The following CELF6 variants were observed in gnomAD, a reference collection of about 807,000 sequenced individuals.
The protein encoded by CELF6 is Bruno -like 6, RNA binding protein.
Under a neutral mutation model 53.1 loss-of-function variants are expected in CELF6, and 32 were observed. That is an observed-to-expected ratio of 0.60 (90% CI 0.46 to 0.81). The LOEUF is 0.81. Among genes scored for constraint, CELF6 ranks in the 30% least tolerant of loss-of-function variants. The pLI, the probability that CELF6 is intolerant of heterozygous loss-of-function variation, is 0.00. For missense variants in CELF6, 539 were observed against 669.5 expected (o/e 0.81, Z 2.15); for synonymous variants, 291 against 288.8 (o/e 1.01, Z -0.08).
chr15:72,300,143 C>T (rs1424599443), intron 3 of CELF6, among the ~76,000 whole-genome samples: 1 of 151,986 alleles, frequency 6.6e-6, no homozygotes, highest in African/African-American at 2.4e-5. Flanking sequence ...TCATTTGAAG[C>T]CAAGAGTTTG....
At chr15:72,295,879 T>G (rs2088071486) in intron 3 of CELF6, among the ~76,000 whole-genome samples, 1 of 152,210 alleles carries the variant, frequency 6.6e-6, no homozygotes. Flanking sequence ...TGGCATTTTT[T>G]GCAGAAATAG....
chr15:72,319,828 G>A lies in CELF6; in HGVS notation c.47C>T (p.Pro16Leu), dbSNP rs1382138434. 4 of 1,548,752 alleles carry A rather than the reference G, an allele frequency of 2.6e-6. No individual in the cohort carries two copies. The highest frequency in any genetic ancestry group is 2.6e-6 in the Non-Finnish European group (3 of 1,145,664). ...GTCCGCGGTGCTGAAACCCAGGCGC[G>A]GGCCGGGGCCAGCGGGCTGCGCTGA... Reference protein sequence around the residue: ...GGSAQPAGPGPRLGFSTADSG... With the variant: ...GGSAQPAGPGLRLGFSTADSG... The change falls in exon 1 of 13, where the codon CCG becomes CTG. Residue 16 changes from proline to leucine, a missense_variant. By Grantham distance (98) the Pro-to-Leu change is moderately conservative. Around this residue, in one of 3 missense-constraint regions of CELF6, gnomAD observed 84 missense variants for 87.9 expected, o/e 0.96. Coordinates refer to ENST00000287202, the MANE Select transcript of CELF6 (RefSeq NM_052840.5). This position sits in a 1 kb window ranked among gnomAD's most constrained non-coding sequence, Gnocchi z 5.0.
Position 72,289,956 on chromosome 15 carries a change from C to G in CELF6, c.586G>C (p.Gly196Arg). 1.3e-6 allele frequency: 2 copies of G among 1,575,280 alleles called. No homozygotes were observed. The highest frequency in any genetic ancestry group is 2.3e-5 in the South Asian group (2 of 86,320). Reference sequence around the variant, plus strand: ...GCCCTCACCGCCATGGTCCGGCTGCCGTGCAGACCCCGGATGGCCGCCTGA... The same window carrying G: ...GCCCTCACCGCCATGGTCCGGCTGCGGTGCAGACCCCGGATGGCCGCCTGA... Reference protein sequence around the residue: ...EAQAAIRGLHGSRTMAGASSS... With the variant: ...EAQAAIRGLHRSRTMAGASSS... Residue 196 changes from glycine (G) to arginine (R), a missense_variant, in exon 5 of 13, where the codon GGC becomes CGC. By Grantham distance (125) the Gly-to-Arg change is moderately radical (BLOSUM62 -2). Transcript: ENST00000287202. The surrounding 1 kb of genome is among the most constrained non-coding windows in gnomAD (Gnocchi z 7.6).
At chr15:72,296,800 C>T (rs2141191570) in intron 3 of CELF6, among the ~76,000 whole-genome samples, 1 of 152,326 alleles carries the variant, frequency 6.6e-6, no homozygotes, top group South Asian at 2.1e-4. Context: ...CAGAAAATCA[C>T]AGCGTTGGCG....
chr15:72,306,044 T>A, intron 2 of CELF6: 1 of 981,182 alleles, frequency 1.0e-6, no homozygotes, highest in Non-Finnish European at 1.2e-6. Context: ...GGGTATTGCA[T>A]AATTTGAAAA....
At chr15:72,301,531 A>T (rs2088155215) in intron 3 of CELF6, among the ~76,000 whole-genome samples, 1 of 152,162 alleles carries the variant, frequency 6.6e-6, no homozygotes, top group African/African-American at 2.4e-5. Context: ...TGGTAAACTA[A>T]GGGATTTAAT....
At chr15:72,307,925 G>GAATGGCTAGGGTACGGACAGGGAGCTGC (rs776231046) in intron 2 of CELF6, among the ~76,000 whole-genome samples, 1 of 152,148 alleles carries the variant, frequency 6.6e-6, no homozygotes, top group Non-Finnish European at 1.5e-5. Flanking sequence ...TGAGCACGCT[G>GAATGGCTAGGGTACGGACAGGGAGCTGC]AATGGCTAGG....
intron 3 of CELF6, among the ~76,000 whole-genome samples, chr15:72,300,989 A>ATT (rs11371218): frequency 0.015 from 2,145 of 147,326 alleles, 65 homozygotes; most frequent in Admixed American, 0.055. Flanking sequence ...AGCTAAAATG[A>ATT]TTTTTTTTTT....
intron 2 of CELF6, among the ~76,000 whole-genome samples, chr15:72,310,003 A>G (rs2088275420): frequency 2.0e-5 from 3 of 152,204 alleles, no homozygotes; most frequent in Admixed American, 2.0e-4. Context: ...AGACACGCAC[A>G]GGGCCCTGGA....
chr15:72,302,875 C>T (rs1044888705), intron 3 of CELF6, among the ~76,000 whole-genome samples: 8 of 152,226 alleles, frequency 5.3e-5, no homozygotes, highest in African/African-American at 1.9e-4. Flanking sequence ...CCACTTTGAT[C>T]TTCCAGACTG....
intron 2 of CELF6, among the ~76,000 whole-genome samples, chr15:72,315,077 C>T (rs2088345766): frequency 6.6e-6 from 1 of 152,130 alleles, no homozygotes; most frequent in Non-Finnish European, 1.5e-5. Flanking sequence ...TTTGAGAGGC[C>T]TAGAACTGGA....
intron 3 of CELF6, among the ~76,000 whole-genome samples, chr15:72,302,581 A>T (rs2088173246): frequency 6.6e-6 from 1 of 152,222 alleles, no homozygotes; most frequent in Admixed American, 6.5e-5. Context: ...GACCACCAGA[A>T]CACATCAACC....
chr15:72,288,975 G>T lies in CELF6; in HGVS notation c.1031-45C>A. 1 of 1,513,296 alleles carries T rather than the reference G, an allele frequency of 6.6e-7. No individual in the cohort carries two copies. Among genetic ancestry groups the T allele is most frequent in the Non-Finnish European group, 9.0e-7 (1 of 1,115,482 alleles). The allele number at this position is 1,513,296 out of a possible 1,614,324, so 93.7% of individuals were successfully genotyped here. On this transcript the variant is annotated intron_variant, in intron 8 of 12. Transcript: ENST00000287202. The surrounding 1 kb of genome is among the most constrained non-coding windows in gnomAD (Gnocchi z 4.6). ...AGGCCCACAGTGAAGGCAAGCGGGC[G>T]AGCAGAGTGGGTGAGAAGCTCAGGG...
chr15:72,291,966 G>C (rs2088012142), intron 3 of CELF6, among the ~76,000 whole-genome samples: 1 of 152,124 alleles, frequency 6.6e-6, no homozygotes, highest in Non-Finnish European at 1.5e-5. Context: ...TGCTTCTGGG[G>C]GTGTCAGCCA....
Position 72,290,201 on chromosome 15 carries a change from AC to A in CELF6, c.448del (p.Val150SerfsTer30). On this transcript the variant is annotated frameshift_variant, in exon 4 of 13. Transcript: ENST00000287202. LOFTEE classifies it high-confidence loss of function. ...GCCAAAGGGCTGGAACAGGCGTCTGACGTCCTCCTCACCCTGCTGCTTGCCC... is the reference window on the plus strand; with the variant it reads ...GCCAAAGGGCTGGAACAGGCGTCTGAGTCCTCCTCACCCTGCTGCTTGCCC... ...MLGKQQGEED[V>X]RRLFQPFGHI... The A allele has an allele frequency of 6.2e-7, 1 of 1,613,820 alleles. No homozygotes were observed. Among genetic ancestry groups the A allele is most frequent in the Non-Finnish European group, 8.5e-7 (1 of 1,179,928 alleles).
At chr15:72,287,157 G>T in intron 12 of CELF6, 80 bp downstream of exon 12, 1 of 1,379,142 alleles carries the variant, frequency 7.3e-7, no homozygotes, top group Non-Finnish European at 9.9e-7. Context: ...GTGCCTCCAA[G>T]GTCCCAAAAG....
In CELF6 at chr15:72,320,081, G is replaced by T; in HGVS notation, c.-207C>A. On this transcript the variant is annotated 5_prime_UTR_variant, in exon 1 of 13. Coordinates refer to ENST00000287202, the MANE Select transcript of CELF6 (RefSeq NM_052840.5). The stretch of plus-strand genomic sequence containing the variant: ...GGCGGGGCCGGGGCGGGGCGGGCCC[G>T]GGCCGAGGTGGCGGCTGAACGCTGG... 1.5e-6 allele frequency: 1 copy of T among 652,570 alleles called. No homozygotes were observed. The highest frequency in any genetic ancestry group is 2.8e-6 in the Non-Finnish European group (1 of 356,722). The allele number at this position is 652,570 out of a possible 1,614,324, so 40.4% of individuals were successfully genotyped here.
Position 72,290,169 on chromosome 15 carries a change from C to G in CELF6, c.481G>C (p.Glu161Gln), listed in dbSNP as rs765191400. 9 of 1,614,024 alleles carry G rather than the reference C, an allele frequency of 5.6e-6. No homozygotes were observed. The highest frequency in any genetic ancestry group is 1.3e-5 in the African/African-American group (1 of 75,050). The change falls in exon 4 of 13, where the codon GAG (glutamate) becomes CAG (glutamine). Residue 161 changes from glutamate to glutamine, a missense_variant. Glu to Gln is a conservative substitution (Grantham distance 29). This residue lies in a region of CELF6 where 97 missense variants were observed against 168.8 expected (regional missense o/e 0.57). Transcript: ENST00000287202. ...RRLFQPFGHI[E>Q]ECTVLRSPDG... Reference sequence around the variant, plus strand: ...GGACTCCGCAGGACCGTGCACTCCTCGATGTGGCCAAAGGGCTGGAACAGG... The same window carrying G: ...GGACTCCGCAGGACCGTGCACTCCTGGATGTGGCCAAAGGGCTGGAACAGG...
chr15:72,288,305 C>T lies in CELF6; in HGVS notation c.1318+3G>A. The T allele has an allele frequency of 6.2e-7, 1 of 1,614,096 alleles. No individual in the cohort carries two copies. The highest frequency in any genetic ancestry group is 1.3e-5 in the African/African-American group (1 of 75,018). ...GAGGCCTAGGGGTAGGTTCTCAGCT[C>T]ACCAAAACACTTGCTCTGGTTGGTG... is the stretch of plus-strand genomic sequence containing the variant. On this transcript the variant is annotated splice_donor_region_variant and intron_variant, in intron 11 of 12. Coordinates refer to ENST00000287202, the MANE Select transcript of CELF6 (RefSeq NM_052840.5). This position sits in a 1 kb window ranked among gnomAD's most constrained non-coding sequence, Gnocchi z 4.6.
Sources: allele counts gnomAD v4.1 joint callset (sites outside exome capture counted in the v4.1 genomes callset), GRCh38; gene constraint gnomAD v4.1.1; regional missense constraint gnomAD v4.1.1; non-coding constraint Gnocchi (gnomAD v3.1); transcripts MANE v1.5; gene names NCBI Gene and HGNC (gene_info 2026-07-23, HGNC 2026-07-21).